The following COL15A1 variants were observed in gnomAD, a reference collection of about 807,000 sequenced individuals.
COL15A1 encodes the protein collagen alpha-1(XV) chain.
In COL15A1, 111 loss-of-function variants were observed where a neutral mutation model predicts 165.9. The observed-to-expected ratio is 0.67, with a 90% CI of 0.57 to 0.78. The LOEUF (loss-of-function observed/expected upper bound fraction) is 0.78. Ranked by LOEUF, COL15A1 falls within the 30% of genes least tolerant of loss-of-function variation. The probability of loss-of-function intolerance (pLI) is 0.00; values close to 1 mark genes in which losing one functional copy is unlikely to be tolerated. For missense variants in COL15A1, 1,745 were observed against 1,789.7 expected, an observed-to-expected ratio of 0.98 and a Z score of 0.45; for synonymous variants, 659 against 674.8, an observed-to-expected ratio of 0.98 and a Z score of 0.36.
intron 26 of COL15A1, among the ~76,000 whole-genome samples, chr9:99,046,248 G>A (rs1447422224): frequency 1.3e-5 from 2 of 152,230 alleles, no homozygotes; most frequent in Non-Finnish European, 2.9e-5. Context: ...TGTGGCCCTA[G>A]TGACCAGTGT....
At position 99,003,530 on chromosome 9, in the gene COL15A1, C is replaced by A. The variant is rs1838700481; in HGVS notation, c.1143C>A (p.Pro381=). The A allele has an allele frequency of 4.5e-6, 7 of 1,570,012 alleles. No individual in the cohort carries two copies. Among genetic ancestry groups the A allele is most frequent in the Non-Finnish European group, 4.3e-6 (5 of 1,157,112 alleles). The change falls in exon 8 of 42, where the codon CCC becomes CCA. Residue 381 remains proline (P), a synonymous_variant. Transcript: ENST00000375001. ...TAGEAEASSV[P]TGGPTLSMST... ...GAGAAGCAGAGGCCAGCAGTGTGCC[C>A]ACCGGGGGACCAACCCTCTCTATGT...
intron 35 of COL15A1, 30 bp downstream of exon 35, chr9:99,056,434 T>C (rs11788317): frequency 0.28 from 437,094 of 1,579,692 alleles, 69,722 homozygotes; most frequent in East Asian, 0.65. Flanking sequence ...CCCTTGTTCA[T>C]GCTGTCCCTA....
intron 2 of COL15A1, among the ~76,000 whole-genome samples, chr9:98,950,516 C>T (rs1358989554): frequency 1.8e-5 from 2 of 113,866 alleles, no homozygotes; most frequent in African/African-American, 3.4e-5. Flanking sequence ...TTCCTTCCTT[C>T]CCTTCCCTTC....
intron 9 of COL15A1, among the ~76,000 whole-genome samples, chr9:99,013,252 G>A (rs547160357): frequency 6.6e-6 from 1 of 152,082 alleles, no homozygotes; most frequent in African/African-American, 2.4e-5. Context: ...TAATTTTGTT[G>A]GGGGTTCCCT....
At chr9:99,044,793 T>C in intron 26 of COL15A1, 23 bp downstream of exon 26, 1 of 1,608,378 alleles carries the variant, frequency 6.2e-7, no homozygotes, top group Non-Finnish European at 8.5e-7. Context: ...GTCTCTCAGC[T>C]GGATCTGGGC....
chr9:99,004,963 G>A lies in COL15A1; in HGVS notation c.1266G>A (p.Met422Ile), dbSNP rs34138827. ...AAGEAEALASMPGEVEASGVA... is the reference protein window; with the variant it reads ...AAGEAEALASIPGEVEASGVA... The stretch of plus-strand genomic sequence containing the variant: ...GGGAGGCCGAGGCACTCGCCAGCAT[G>A]CCTGGGGAAGTGGAGGCCAGTGGTG... The change falls in exon 9 of 42, where the codon ATG becomes ATA. Residue 422 changes from methionine (M) to isoleucine (I), a missense_variant. Coordinates refer to ENST00000375001, the MANE Select transcript of COL15A1 (RefSeq NM_001855.5). 19,820 of 1,614,086 alleles carry A rather than the reference G, an allele frequency of 0.012. 1,130 individuals carry two copies. The highest frequency in any genetic ancestry group is 0.11 in the East Asian group (4,957 of 44,850).
intron 35 of COL15A1, among the ~76,000 whole-genome samples, chr9:99,058,219 T>C (rs954791303): frequency 2.6e-5 from 4 of 152,216 alleles, no homozygotes; most frequent in African/African-American, 9.7e-5. Flanking sequence ...TATTTTAGTT[T>C]GAAAAGTCCT....
chr9:99,035,742 C>G (rs747095776), intron 19 of COL15A1, among the ~76,000 whole-genome samples: 1 of 152,160 alleles, frequency 6.6e-6, no homozygotes, highest in Non-Finnish European at 1.5e-5. Flanking sequence ...TCCAGTTGCC[C>G]CATTCAATGC....
At chr9:99,063,259 G>T (rs959258307) in intron 39 of COL15A1, 150 bp downstream of exon 39, 21 of 1,056,304 alleles carry the variant, frequency 2.0e-5, no homozygotes, top group Non-Finnish European at 2.7e-5. Flanking sequence ...AATACAGTGT[G>T]GTAAGTTGTT....
intron 40 of COL15A1, 47 bp downstream of exon 40, chr9:99,067,114 T>C: frequency 6.6e-7 from 1 of 1,524,656 alleles, no homozygotes; most frequent in Non-Finnish European, 9.0e-7. Flanking sequence ...CATTGGTCGC[T>C]ACAGGGCCTG....
In COL15A1 at chr9:98,985,516, C is replaced by T. The variant is rs1838293831; in HGVS notation, c.101-49C>T. On this transcript the variant is annotated intron_variant, in intron 2 of 41. Coordinates refer to ENST00000375001, the MANE Select transcript of COL15A1 (RefSeq NM_001855.5). ...ACTGCGTTTCTTCCTCATTTTCAAG[C>T]AAAGTGGAATATACCTGTAAAGCGT... is the stretch of plus-strand genomic sequence containing the variant. 9 of 1,526,112 alleles carry T rather than the reference C, an allele frequency of 5.9e-6. 1 individual carries two copies. The South Asian group carries it at 8.6e-5, about 15-fold the overall frequency. The allele number at this position is 1,526,112 out of a possible 1,614,324, so 94.5% of individuals were successfully genotyped here.
At chr9:98,974,307 A>T (rs1046555430) in intron 2 of COL15A1, among the ~76,000 whole-genome samples, 4 of 152,196 alleles carry the variant, frequency 2.6e-5, no homozygotes, top group African/African-American at 9.7e-5. Context: ...TGTCCCACAC[A>T]GTCTGCGGTT....
Position 98,985,988 on chromosome 9 carries a change from T to TCC in COL15A1, c.525_526dup (p.Leu176ProfsTer3), listed in dbSNP as rs1564029170. 5 of 1,614,070 alleles carry TCC rather than the reference T, an allele frequency of 3.1e-6. No individual in the cohort carries two copies. Among genetic ancestry groups the TCC allele is most frequent in the Non-Finnish European group, 4.2e-6 (5 of 1,179,990 alleles). On this transcript the variant is annotated frameshift_variant, in exon 3 of 42. Transcript: ENST00000375001. LOFTEE classifies it high-confidence loss of function. ...ATTGTCCAGGGTGAGGAAGTGACCC[T>TCC]CCTCGTGAACTGTGAGGAGCACAGC...
chr9:99,026,084 C>A, intron 16 of COL15A1, 118 bp downstream of exon 16: 1 of 903,034 alleles, frequency 1.1e-6, no homozygotes, highest in Non-Finnish European at 1.7e-6. Context: ...TCCTGAAATC[C>A]CCTGCTGGCC....
intron 39 of COL15A1, among the ~76,000 whole-genome samples, chr9:99,064,382 T>C (rs1338868186): frequency 2.6e-5 from 4 of 152,170 alleles, no homozygotes; most frequent in African/African-American, 7.2e-5. Context: ...TGTGCTGCTA[T>C]TGACCAAGGA....
rs537412622 is a variant in COL15A1 at position 98,997,145 on chromosome 9, G to A, written c.952+64G>A. 122 of 1,590,208 alleles carry A rather than the reference G, an allele frequency of 7.7e-5. No homozygotes were observed. In the African/African-American group the frequency reaches 1.4e-3, roughly 18 times the overall value. On this transcript the variant is annotated intron_variant, in intron 6 of 41. Coordinates refer to ENST00000375001, the MANE Select transcript of COL15A1 (RefSeq NM_001855.5). The stretch of plus-strand genomic sequence containing the variant: ...TTGGGTGATTACTATGTGTCCAGCC[G>A]GGGCCATGTATGTAACATACAGAAT...
rs1380122808 is a variant in COL15A1 at position 99,005,000 on chromosome 9, G to A, written c.1303G>A (p.Glu435Lys). The stretch of plus-strand genomic sequence containing the variant: ...GGAGGCCAGTGGTGTGGCCCCCGGG[G>A]AGCTGGACCTCTCCATGTCCGCCCA... ...EVEASGVAPGELDLSMSAQSL... is the reference protein window; with the variant it reads ...EVEASGVAPGKLDLSMSAQSL... The change falls in exon 9 of 42, where the codon GAG (glutamate) becomes AAG (lysine). Residue 435 changes from glutamate (E) to lysine (K), a missense_variant. Glu to Lys is a moderately conservative substitution (Grantham distance 56). Transcript: ENST00000375001. 2 of 1,613,630 alleles carry A rather than the reference G, an allele frequency of 1.2e-6. No homozygotes were observed. Among genetic ancestry groups the A allele is most frequent in the Non-Finnish European group, 1.7e-6 (2 of 1,179,790 alleles).
chr9:98,985,469 G>A (rs1404956014), intron 2 of COL15A1, 96 bp from the exon 3 acceptor site: 1 of 1,214,354 alleles, frequency 8.2e-7, no homozygotes, highest in Non-Finnish European at 1.1e-6. Flanking sequence ...TGGGGTTCCT[G>A]AGTGATCCCG....
intron 30 of COL15A1, among the ~76,000 whole-genome samples, chr9:99,051,350 C>G (rs1197313745): frequency 2.0e-5 from 3 of 152,134 alleles, no homozygotes; most frequent in African/African-American, 7.2e-5. Flanking sequence ...AAGATAGGCT[C>G]AAAGCATTTT....
Sources: allele counts gnomAD v4.1 joint callset (sites outside exome capture counted in the v4.1 genomes callset), GRCh38; gene constraint gnomAD v4.1.1; transcripts MANE v1.5; gene names NCBI Gene and HGNC (gene_info 2026-07-23, HGNC 2026-07-21).